GBE1: variants seen among roughly 807,000 people sequenced by gnomAD.
GBE1 encodes the protein 1,4-alpha-glucan branching enzyme 1.
In GBE1, 70 loss-of-function variants were observed where a neutral mutation model predicts 88.8. That is an observed-to-expected ratio of 0.79 (90% CI 0.65 to 0.96). GBE1 has a LOEUF of 0.96. GBE1 is among the 40% of genes least tolerant of loss of function. The pLI is 0.00. For synonymous variants in GBE1, 284 were observed against 300.1 expected (o/e 0.95, Z 0.56); for missense variants, 872 against 871.0 (o/e 1.00, Z -0.01).
intron 12 of GBE1, among the ~76,000 whole-genome samples, chr3:81,558,264 T>C (rs1380432009): frequency 6.6e-6 from 1 of 152,042 alleles, no homozygotes; most frequent in East Asian, 1.9e-4. Context: ...ATTAAAATCA[T>C]GGTTAAAAAG....
chr3:81,550,873 G>A (rs930973666), intron 12 of GBE1, among the ~76,000 whole-genome samples: 3 of 152,078 alleles, frequency 2.0e-5, no homozygotes, highest in Non-Finnish European at 4.4e-5. Context: ...CAGCCCTTGG[G>A]GCTGCTCTGT....
chr3:81,652,327 G>A (rs939125741), intron 3 of GBE1, among the ~76,000 whole-genome samples: 4 of 152,158 alleles, frequency 2.6e-5, no homozygotes, highest in South Asian at 2.1e-4. Context: ...GGCCAGAATC[G>A]ACAATATGGT....
chr3:81,626,448 G>C (rs1202126173), intron 7 of GBE1, among the ~76,000 whole-genome samples: 1 of 152,132 alleles, frequency 6.6e-6, no homozygotes, highest in African/African-American at 2.4e-5. Context: ...TTTAACTACA[G>C]ATTATAAGTA....
intron 2 of GBE1, among the ~76,000 whole-genome samples, chr3:81,687,027 C>G (rs1306262185): frequency 6.6e-6 from 1 of 152,130 alleles, no homozygotes; most frequent in Non-Finnish European, 1.5e-5. Context: ...ATTTCCCCAA[C>G]CTGGTTATCT....
At chr3:81,646,879 T>C (rs1704772204) in intron 5 of GBE1, among the ~76,000 whole-genome samples, 1 of 152,128 alleles carries the variant, frequency 6.6e-6, no homozygotes, top group Non-Finnish European at 1.5e-5. Flanking sequence ...TTTGACTCTA[T>C]GTATTTCTAT....
chr3:81,585,237 G>A (rs1703786936), intron 10 of GBE1, among the ~76,000 whole-genome samples: 1 of 152,036 alleles, frequency 6.6e-6, no homozygotes, highest in Non-Finnish European at 1.5e-5. Context: ...CAGGGGGACA[G>A]GAAAGACAGC....
chr3:81,697,040 A>C (rs996453537), intron 2 of GBE1, among the ~76,000 whole-genome samples: 6 of 152,148 alleles, frequency 3.9e-5, no homozygotes, highest in African/African-American at 1.4e-4. Flanking sequence ...ACCAGGAGAC[A>C]GTGTCAGATC....
In GBE1 at chr3:81,642,930, G is replaced by C; in HGVS notation, c.843C>G (p.Ile281Met). ...ELVDTAHSMG[I>M]IVLLDVVHSH... ...TGTGTACCACATCTAAGAGGACTAT[G>C]ATACCCATGGAATGAGCTGTGTCTA... is the stretch of plus-strand genomic sequence containing the variant. Residue 281 changes from isoleucine to methionine, a missense_variant, in exon 7 of 16, where the codon ATC becomes ATG. Coordinates refer to ENST00000429644, the MANE Select transcript of GBE1 (RefSeq NM_000158.4). 6 of 1,613,030 alleles carry C rather than the reference G, an allele frequency of 3.7e-6. No individual in the cohort carries two copies. The highest frequency in any genetic ancestry group is 5.1e-6 in the Non-Finnish European group (6 of 1,179,342).
intron 3 of GBE1, among the ~76,000 whole-genome samples, chr3:81,661,186 T>C: frequency 6.6e-6 from 1 of 152,192 alleles, no homozygotes; most frequent in East Asian, 1.9e-4. Context: ...TTTATAATCA[T>C]ATTTAAAATA....
At chr3:81,736,013 C>T (rs1356171635) in intron 1 of GBE1, among the ~76,000 whole-genome samples, 2 of 152,160 alleles carry the variant, frequency 1.3e-5, no homozygotes, top group East Asian at 1.9e-4. Flanking sequence ...GCTACCTTAT[C>T]CATGAAGCCA....
chr3:81,587,099 G>A (rs1407986625), intron 9 of GBE1, among the ~76,000 whole-genome samples: 3 of 152,086 alleles, frequency 2.0e-5, no homozygotes, highest in Non-Finnish European at 4.4e-5. Context: ...ACCACACCCA[G>A]TCGAGAGAGA....
rs561832912 is a variant in GBE1 at position 81,658,585 on chromosome 3, T to A, written c.430-8664A>T. On this transcript the variant is annotated intron_variant, in intron 3 of 15. Coordinates refer to ENST00000429644, the MANE Select transcript of GBE1 (RefSeq NM_000158.4). ...TCTGCACCTATAAAAAGGAGTATTA[T>A]CCCCCAAGGTTTATACCCTAGTTCC... Among the ~76,000 whole-genome samples the A allele has an allele frequency of 3.9e-5, 6 of 152,270 alleles. No individual in the cohort carries two copies. The South Asian group carries it at 1.2e-3, about 32-fold the overall frequency.
At chr3:81,553,695 A>G (rs1300847593) in intron 12 of GBE1, among the ~76,000 whole-genome samples, 1 of 151,374 alleles carries the variant, frequency 6.6e-6, no homozygotes, top group African/African-American at 2.4e-5. Context: ...TAAGAAAAAA[A>G]AAAAAACAGA....
rs773210727 is a variant in GBE1, at chr3:81,720,348, A to ATG, written c.144-14737_144-14736dup. On this transcript the variant is annotated intron_variant, in intron 1 of 15. Coordinates refer to ENST00000429644, the MANE Select transcript of GBE1 (RefSeq NM_000158.4). ...ACGCACACACTGTGTGTGTATGTGTATGTGTGTGTGTGTGTATATATATAT... is the reference window on the plus strand; with the variant it reads ...ACGCACACACTGTGTGTGTATGTGTATGTGTGTGTGTGTGTGTATATATATAT... Among the ~76,000 whole-genome samples the ATG allele has an allele frequency of 9.7e-3, 1,391 of 142,838 alleles. 18 individuals are homozygous for ATG. The highest frequency in any genetic ancestry group is 0.032 in the African/African-American group (1,132 of 35,188). 93.7% of individuals were successfully genotyped at this position (142,838 alleles called of 152,430 possible). A position where few individuals can be genotyped will look rare whatever the true frequency, so the allele number is the denominator to read the frequency against.
intron 2 of GBE1, among the ~76,000 whole-genome samples, chr3:81,701,287 C>T (rs536535478): frequency 1.1e-4 from 16 of 152,046 alleles, no homozygotes; most frequent in African/African-American, 1.4e-4. Context: ...TGTTTAAAAA[C>T]GACTGGACGA....
chr3:81,596,251 A>G (rs1026236044), intron 7 of GBE1, among the ~76,000 whole-genome samples: 1 of 151,938 alleles, frequency 6.6e-6, no homozygotes, highest in Admixed American at 6.6e-5. Context: ...GTGCAAAGCA[A>G]AAGTTAAAAG....
intron 1 of GBE1, among the ~76,000 whole-genome samples, chr3:81,709,290 A>T (rs1705820856): frequency 6.6e-6 from 1 of 152,174 alleles, no homozygotes; most frequent in Non-Finnish European, 1.5e-5. Context: ...AAACTCTTTA[A>T]ATCATATGAG....
intron 1 of GBE1, among the ~76,000 whole-genome samples, chr3:81,726,537 CTTTA>C (rs771701437): frequency 5.4e-5 from 8 of 148,208 alleles, no homozygotes; most frequent in African/African-American, 7.5e-5. Context: ...TCTTATTGTA[CTTTA>C]TTTGGTAGTT....
At chr3:81,708,307 G>A (rs1705806536) in intron 1 of GBE1, among the ~76,000 whole-genome samples, 1 of 151,876 alleles carries the variant, frequency 6.6e-6, no homozygotes, top group Non-Finnish European at 1.5e-5. Context: ...TAAAAAAGTA[G>A]ATCTCTAAAA....
Sources: gnomAD v4.1 joint callset for allele counts (sites outside exome capture counted in the v4.1 genomes callset) on GRCh38, gnomAD v4.1.1 for gene constraint, MANE v1.5 for transcripts, NCBI Gene and HGNC (gene_info 2026-07-23, HGNC 2026-07-21) for gene names.